VIPR1: variants seen among roughly 807,000 people sequenced by gnomAD.
VIPR1 encodes vasoactive intestinal polypeptide receptor 1.
A neutral mutation model predicts 58.8 loss-of-function variants in VIPR1; 59 were observed. That is an observed-to-expected ratio of 1.00 (90% CI 0.81 to 1.25). VIPR1 has a LOEUF of 1.25. Ranked by LOEUF, VIPR1 falls within the 50% of genes most tolerant of loss-of-function variation. The pLI, the probability that VIPR1 is intolerant of heterozygous loss-of-function variation, is 0.00. For synonymous variants in VIPR1, 251 were observed against 242.1 expected (o/e 1.04, Z -0.34); for missense variants, 626 against 602.7 (o/e 1.04, Z -0.40).
intron 9 of VIPR1, 37 bp from the exon 10 acceptor site, chr3:42,532,205 C>A: frequency 6.2e-7 from 1 of 1,604,340 alleles, no homozygotes; most frequent in Non-Finnish European, 8.5e-7. Flanking sequence ...TCAGCCTTCC[C>A]GCTCTGACTG....
intron 2 of VIPR1, among the ~76,000 whole-genome samples, chr3:42,514,436 G>A (rs552540028): frequency 3.9e-5 from 6 of 151,912 alleles, no homozygotes; most frequent in Admixed American, 6.6e-5. Context: ...CTGGAAAGAT[G>A]TGGAATACTC....
At chr3:42,507,786 C>G (rs542839457) in intron 1 of VIPR1, 2 of 152,188 alleles carry the variant, frequency 1.3e-5, no homozygotes, top group South Asian at 2.1e-4. Context: ...ATTATGAGAG[C>G]CCTTGTCCTG....
chr3:42,513,799 C>A lies in VIPR1; in HGVS notation c.129C>A (p.Ile43=), dbSNP rs745796501. The A allele has an allele frequency of 6.4e-7, 1 of 1,551,574 alleles. No individual in the cohort carries two copies. The highest frequency in any genetic ancestry group is 1.2e-5 in the South Asian group (1 of 84,038). ...AGGAGTGTGACTATGTGCAGATGAT[C>A]GAGGTGCAGCACAAGCAGTGCCTGG... ...LQEECDYVQM[I]EVQHKQCLEE... The change falls in exon 2 of 13, where the codon ATC becomes ATA. Residue 43 remains isoleucine (I), a synonymous_variant. Coordinates refer to ENST00000325123, the MANE Select transcript of VIPR1 (RefSeq NM_004624.4).
At position 42,536,452 on chromosome 3, in the gene VIPR1, G is replaced by C. The variant is rs1017478634; in HGVS notation, c.*171G>C. 24 of 625,628 alleles carry C rather than the reference G, an allele frequency of 3.8e-5. 1 individual carries two copies. Among genetic ancestry groups the C allele is most frequent in the Non-Finnish European group, 5.6e-5 (22 of 395,964 alleles). The allele number at this position is 625,628 out of a possible 1,614,324, so 38.8% of individuals were successfully genotyped here. ...GACACTCCTAGAGAACGCAGCCCTA[G>C]AGCCTGCCTGGAGCGTTTCTAGCAA... is the stretch of plus-strand genomic sequence containing the variant. On this transcript the variant is annotated 3_prime_UTR_variant, in exon 13 of 13. Transcript: ENST00000325123.
rs1318612634 is a variant in VIPR1 at position 42,528,275 on chromosome 3, C to A, written c.636+152C>A. The A allele has an allele frequency of 5.7e-6, 6 of 1,051,746 alleles. No homozygotes were observed. In the African/African-American group the frequency reaches 1.0e-4, roughly 18 times the overall value. 65.2% of individuals were successfully genotyped at this position (1,051,746 alleles called of 1,614,324 possible). ...CAAGGATAGCCTAACCCCCACCCAA[C>A]CCCACCTGGCAGTACTCAAATCACA... On this transcript the variant is annotated intron_variant, in intron 6 of 12. Coordinates refer to ENST00000325123, the MANE Select transcript of VIPR1 (RefSeq NM_004624.4).
Position 42,528,014 on chromosome 3 carries a change from A to G in VIPR1, c.527A>G (p.Tyr176Cys). The change falls in exon 6 of 13, where the codon TAC becomes TGC. Residue 176 changes from tyrosine to cysteine, a missense_variant. By Grantham distance (194) the Tyr-to-Cys change is radical (BLOSUM62 -2). Coordinates refer to ENST00000325123, the MANE Select transcript of VIPR1 (RefSeq NM_004624.4). ...AGGAAGCTCCACTGCACGCGGAACT[A>G]CATCCACATGCACCTCTTCATATCC... ...LFRKLHCTRN[Y>C]IHMHLFISFI... 2 of 1,614,018 alleles carry G rather than the reference A, an allele frequency of 1.2e-6. No homozygotes were observed. Among genetic ancestry groups the G allele is most frequent in the Non-Finnish European group, 1.7e-6 (2 of 1,179,946 alleles).
At chr3:42,489,573 C>T (rs2125621435) in exon 1 of VIPR1, 1 of 152,444 alleles carries the variant, frequency 6.6e-6, no homozygotes, top group Middle Eastern at 3.4e-3. Context: ...CGTCTTCACA[C>T]TGACACCAGG....
chr3:42,531,217 A>G, intron 7 of VIPR1: 1 of 613,182 alleles, frequency 1.6e-6, no homozygotes, highest in Non-Finnish European at 2.9e-6. Context: ...CTGCTAATCT[A>G]TAAAGGGCCT....
At chr3:42,493,996 G>A (rs535293517) in intron 1 of VIPR1, among the ~76,000 whole-genome samples, 2 of 152,280 alleles carry the variant, frequency 1.3e-5, no homozygotes, top group Non-Finnish European at 2.9e-5. Flanking sequence ...CCCGTCCTGG[G>A]CCCAGGTCCC....
chr3:42,499,097 G>A (rs72862506), upstream of VIPR1, among the ~76,000 whole-genome samples: 3,533 of 152,322 alleles, frequency 0.023, 124 homozygotes, highest in African/African-American at 0.08. Context: ...GAAAGCAAAT[G>A]TTGCCTGCAT....
intron 3 of VIPR1, 136 bp from the exon 4 acceptor site, chr3:42,525,751 G>T (rs1165984309): frequency 1.1e-6 from 1 of 909,918 alleles, no homozygotes; most frequent in African/African-American, 1.7e-5. Context: ...GGGTAACTGG[G>T]TCAGGGCAGC....
intron 1 of VIPR1, among the ~76,000 whole-genome samples, chr3:42,491,306 G>T (rs1310559251): frequency 2.0e-5 from 3 of 152,232 alleles, no homozygotes; most frequent in Non-Finnish European, 2.9e-5. Context: ...GATATTGAAT[G>T]CTATTAAGGA....
intron 1 of VIPR1, chr3:42,513,013 G>A (rs1197090853): frequency 1.8e-5 from 17 of 961,738 alleles, no homozygotes; most frequent in Middle Eastern, 5.3e-4. Flanking sequence ...ACAGGGAGGG[G>A]AAGAGGAGAA....
chr3:42,532,270 T>C lies in VIPR1; in HGVS notation c.947T>C (p.Ile316Thr), dbSNP rs1701606526. The C allele has an allele frequency of 1.2e-6, 2 of 1,613,978 alleles. No homozygotes were observed. The highest frequency in any genetic ancestry group is 1.7e-6 in the Non-Finnish European group (2 of 1,180,024). Residue 316 changes from isoleucine (I) to threonine (T), a missense_variant, in exon 10 of 13, where the codon ATC becomes ACC. Coordinates refer to ENST00000325123, the MANE Select transcript of VIPR1 (RefSeq NM_004624.4). ...LVNFILFICI[I>T]RILLQKLRPP... ...AACTTCATCCTGTTTATTTGCATCA[T>C]CCGAATCCTGCTTCAGAAACTGCGG... is the stretch of plus-strand genomic sequence containing the variant.
upstream of VIPR1, among the ~76,000 whole-genome samples, chr3:42,498,657 C>T (rs1250284631): frequency 6.6e-6 from 1 of 152,166 alleles, no homozygotes; most frequent in African/African-American, 2.4e-5. Flanking sequence ...TTCTCCATCA[C>T]CTGCTCTCCC....
chr3:42,533,525 A>G (rs1701688024), intron 10 of VIPR1: 1 of 152,144 alleles, frequency 6.6e-6, no homozygotes, highest in South Asian at 2.1e-4. Context: ...CCCCCAACTT[A>G]CAATGGTTCA....
intron 3 of VIPR1, among the ~76,000 whole-genome samples, chr3:42,523,604 T>TACACACACACACACAC (rs60726747): frequency 2.7e-4 from 35 of 129,908 alleles, no homozygotes; most frequent in African/African-American, 9.2e-4. Flanking sequence ...CCTCCGCCAC[T>TACACACACACACACAC]ACACACACAC....
At position 42,532,040 on chromosome 3, in the gene VIPR1, A is replaced by G. The variant is rs925645123; in HGVS notation, c.918+171A>G. The G allele has an allele frequency of 4.6e-5, 43 of 927,186 alleles. 1 individual carries two copies. The highest frequency in any genetic ancestry group is 2.3e-4 in the Middle Eastern group (1 of 4,366). 57.4% of individuals were successfully genotyped at this position (927,186 alleles called of 1,614,324 possible). A position where few individuals can be genotyped will look rare whatever the true frequency, so the allele number is the denominator to read the frequency against. ...TCCTACCAGTTCTTCCTTGAGCGTA[A>G]GCGGATTGGGAGCACAGTCCTTAGG... On this transcript the variant is annotated intron_variant, in intron 9 of 12. Transcript: ENST00000325123.
intron 5 of VIPR1, chr3:42,527,699 T>C: frequency 1.4e-5 from 9 of 640,230 alleles, no homozygotes; most frequent in Admixed American, 5.6e-5. Context: ...TAGTCTCCCC[T>C]AGGATGGCCC....
Sources: gnomAD v4.1 joint callset for allele counts (sites outside exome capture counted in the v4.1 genomes callset) on GRCh38, gnomAD v4.1.1 for gene constraint, MANE v1.5 for transcripts, NCBI Gene and HGNC (gene_info 2026-07-23, HGNC 2026-07-21) for gene names.